KCNJ16: variants seen among roughly 807,000 people sequenced by gnomAD.
KCNJ16 encodes potassium inwardly rectifying channel subfamily J member 16.
Under a neutral mutation model 18.5 loss-of-function variants are expected in KCNJ16, and 15 were observed. The observed-to-expected ratio is 0.81, with a 90% CI of 0.54 to 1.25. KCNJ16 has a LOEUF of 1.25. Among genes scored for constraint, KCNJ16 ranks in the 50% most tolerant of loss-of-function variants. The probability of loss-of-function intolerance (pLI) is 0.00; values close to 1 mark genes in which losing one functional copy is unlikely to be tolerated. For synonymous variants in KCNJ16, 174 were observed against 186.5 expected, an observed-to-expected ratio of 0.93 and a Z score of 0.55; for missense variants, 523 against 525.7, an observed-to-expected ratio of 0.99 and a Z score of 0.05.
At chr17:70,129,336 G>A (rs2073977251) in intron 2 of KCNJ16, among the ~76,000 whole-genome samples, 1 of 152,174 alleles carries the variant, frequency 6.6e-6, no homozygotes, top group Admixed American at 6.5e-5. Flanking sequence ...ACAAGTGCTA[G>A]CCTCGATTAT....
At chr17:70,087,414 TAAG>T (rs2071856730) in intron 1 of KCNJ16, among the ~76,000 whole-genome samples, 1 of 152,068 alleles carries the variant, frequency 6.6e-6, no homozygotes, top group South Asian at 2.1e-4. Context: ...AGAAAAATCT[TAAG>T]GAGGCCAGGC....
chr17:70,131,228 A>G (rs375311441), intron 3 of KCNJ16: 1 of 781,156 alleles, frequency 1.3e-6, no homozygotes, highest in Non-Finnish European at 1.8e-6. Context: ...GAAAAGAAAA[A>G]AAAAAGGATG....
At chr17:70,111,385 A>G (rs1211242337) in intron 2 of KCNJ16, among the ~76,000 whole-genome samples, 1 of 152,168 alleles carries the variant, frequency 6.6e-6, no homozygotes, top group Admixed American at 6.5e-5. Flanking sequence ...TGTCACTAAA[A>G]GCAGAAGTGG....
At chr17:70,097,390 C>T (rs2072427967) in intron 1 of KCNJ16, among the ~76,000 whole-genome samples, 1 of 152,070 alleles carries the variant, frequency 6.6e-6, no homozygotes, top group Non-Finnish European at 1.5e-5. Flanking sequence ...AATGAGTTAC[C>T]TTATTAAAAA....
intron 1 of KCNJ16, among the ~76,000 whole-genome samples, chr17:70,084,545 C>T (rs1375279366): frequency 6.6e-6 from 1 of 152,132 alleles, no homozygotes; most frequent in African/African-American, 2.4e-5. Context: ...AAAAGCAAAA[C>T]ACAAAGGAAT....
intron 1 of KCNJ16, among the ~76,000 whole-genome samples, chr17:70,099,789 C>T (rs949844641): frequency 6.6e-6 from 1 of 152,082 alleles, no homozygotes; most frequent in Non-Finnish European, 1.5e-5. Flanking sequence ...GTGACCCAAA[C>T]CAAAATCCTT....
chr17:70,133,395 C>G lies in KCNJ16; in HGVS notation c.*51C>G, dbSNP rs771393530. The G allele has an allele frequency of 6.6e-7, 1 of 1,508,440 alleles. No homozygotes were observed. The highest frequency in any genetic ancestry group is 2.0e-5 in the Admixed American group (1 of 50,496). The allele number at this position is 1,508,440 out of a possible 1,614,324, so 93.4% of individuals were successfully genotyped here. ...CCACTGAATCATTTTATCTTTCAGCCAATCAAGTCGTTGTAAACGTGGCTT... is the reference window on the plus strand; with the variant it reads ...CCACTGAATCATTTTATCTTTCAGCGAATCAAGTCGTTGTAAACGTGGCTT... On this transcript the variant is annotated 3_prime_UTR_variant, in exon 4 of 4. Transcript: ENST00000392671.
intron 3 of KCNJ16, 119 bp downstream of exon 3, chr17:70,131,094 G>T (rs1007132396): frequency 2.1e-5 from 24 of 1,121,270 alleles, no homozygotes; most frequent in Non-Finnish European, 2.8e-5. Flanking sequence ...GGAGAGAAGG[G>T]TTCAATTGTA....
rs147913298 is a variant in KCNJ16 at position 70,120,828 on chromosome 17, T to C, written c.-190-10051T>C. ...ACTCAACATGAGATTTGGGCAGGGA[T>C]AGATATCCAAACTGTATCACAGATT... On this transcript the variant is annotated intron_variant, in intron 2 of 3. Transcript: ENST00000392671. Among the ~76,000 whole-genome samples the C allele has an allele frequency of 8.1e-3, 1,233 of 152,320 alleles. 3 individuals carry two copies. Among genetic ancestry groups the C allele is most frequent in the Non-Finnish European group, 0.014 (948 of 68,030 alleles).
intron 1 of KCNJ16, among the ~76,000 whole-genome samples, chr17:70,083,353 G>GTGTA (rs148163828): frequency 0.9 from 134,248 of 149,724 alleles, 60,321 homozygotes; most frequent in East Asian, 1. Context: ...CCTGTATTGT[G>GTGTA]TGTATGTATG....
At chr17:70,099,757 T>C (rs1044200002) in intron 1 of KCNJ16, among the ~76,000 whole-genome samples, 2 of 152,106 alleles carry the variant, frequency 1.3e-5, no homozygotes, top group Non-Finnish European at 2.9e-5. Context: ...AAAAAATAAT[T>C]CGCTCAAATT....
chr17:70,133,311 T>G lies in KCNJ16; in HGVS notation c.1224T>G (p.Thr408=), dbSNP rs781551298. The part of the protein sequence containing the change: ...RETPYQKALL[T]LNRISVESQM The stretch of plus-strand genomic sequence containing the variant: ...CACCTTATCAGAAAGCTCTCCTGAC[T>G]TTAAACAGAATCTCTGTAGAATCCC... The change falls in exon 4 of 4, where the codon ACT becomes ACG. Residue 408 remains threonine, a synonymous_variant. Coordinates refer to ENST00000392671, the MANE Select transcript of KCNJ16 (RefSeq NM_170741.4). 2 of 1,613,744 alleles carry G rather than the reference T, an allele frequency of 1.2e-6. No individual in the cohort carries two copies. Among genetic ancestry groups the G allele is most frequent in the Non-Finnish European group, 1.7e-6 (2 of 1,179,706 alleles).
chr17:70,107,546 T>C (rs953281134), intron 2 of KCNJ16, among the ~76,000 whole-genome samples: 1 of 152,148 alleles, frequency 6.6e-6, no homozygotes, highest in Non-Finnish European at 1.5e-5. Context: ...CTTTGAGCCC[T>C]ATGCAGAATT....
chr17:70,078,665 A>T (rs567868491), intron 1 of KCNJ16, among the ~76,000 whole-genome samples: 1 of 152,226 alleles, frequency 6.6e-6, no homozygotes, highest in Non-Finnish European at 1.5e-5. Flanking sequence ...ATTAAGTACC[A>T]CTGTACCGGA....
intron 1 of KCNJ16, among the ~76,000 whole-genome samples, chr17:70,099,087 G>A (rs1365512815): frequency 6.6e-6 from 1 of 152,106 alleles, no homozygotes; most frequent in African/African-American, 2.4e-5. Flanking sequence ...CTCCAGAGAG[G>A]CAGTTAAAAT....
At chr17:70,119,426 T>C in intron 2 of KCNJ16, among the ~76,000 whole-genome samples, 1 of 152,186 alleles carries the variant, frequency 6.6e-6, no homozygotes, top group East Asian at 1.9e-4. Context: ...TAGTAGAGGT[T>C]CTCTGTGGAG....
intron 2 of KCNJ16, among the ~76,000 whole-genome samples, chr17:70,106,769 T>G (rs1434822952): frequency 2.0e-5 from 3 of 152,140 alleles, no homozygotes; most frequent in Non-Finnish European, 2.9e-5. Flanking sequence ...AGGTCAGCCA[T>G]GCAGCTGAGG....
chr17:70,106,483 G>A (rs1249659645), intron 2 of KCNJ16, among the ~76,000 whole-genome samples: 5 of 152,172 alleles, frequency 3.3e-5, no homozygotes, highest in African/African-American at 7.2e-5. Flanking sequence ...GATAGAGAGA[G>A]TGATAGGGGG....
rs1455323839 is a variant in KCNJ16 at position 70,095,891 on chromosome 17, T to C, written c.-299-4767T>C. On this transcript the variant is annotated intron_variant, in intron 1 of 3. Transcript: ENST00000392671. The stretch of plus-strand genomic sequence containing the variant: ...AATCCTTTTTTTTTTTTTTTTTTTT[T>C]TTTTTTTTTGAGATGGAGTCTTGCT... Among the ~76,000 whole-genome samples the C allele has an allele frequency of 2.7e-4, 36 of 134,372 alleles. 1 individual carries two copies. The highest frequency in any genetic ancestry group is 9.4e-4 in the African/African-American group (33 of 35,266). 88.2% of individuals were successfully genotyped at this position (134,372 alleles called of 152,430 possible).
Sources: allele counts gnomAD v4.1 joint callset (sites outside exome capture counted in the v4.1 genomes callset), GRCh38; gene constraint gnomAD v4.1.1; transcripts MANE v1.5; gene names NCBI Gene and HGNC (gene_info 2026-07-23, HGNC 2026-07-21).